Variants in FRK observed in about 807,000 individuals in gnomAD.
FRK encodes tyrosine-protein kinase FRK.
FRK carries 51 observed loss-of-function variants against 56.4 expected under a neutral mutation model. That is an observed-to-expected ratio of 0.90 (90% confidence interval 0.72 to 1.14). The LOEUF (loss-of-function observed/expected upper bound fraction) is 1.14. Among genes scored for constraint, FRK ranks in the 50% most tolerant of loss-of-function variants. The pLI is 0.00. For synonymous variants in FRK, 245 were observed against 217.9 expected (o/e 1.12, Z -1.10); for missense variants, 570 against 601.4 (o/e 0.95, Z 0.55).
rs1000884258 is a variant in FRK, at chr6:115,934,265, G to T, written c.*8149C>A. 1.3e-5 allele frequency: 2 copies of T among 152,162 alleles called. No homozygotes were observed. The highest frequency in any genetic ancestry group is 1.5e-5 in the Non-Finnish European group (1 of 68,040). The allele number at this position is 152,162 out of a possible 1,614,324, so 9.4% of individuals were successfully genotyped here. On this transcript the variant is annotated 3_prime_UTR_variant, in exon 8 of 8. Coordinates refer to ENST00000606080, the MANE Select transcript of FRK (RefSeq NM_002031.3). The stretch of plus-strand genomic sequence containing the variant: ...ACCTCTCAACTTGTCTCTGAGGAAG[G>T]TGACCACATTCCCAGATTCAGAGTC...
At chr6:116,004,041 T>C (rs1775163892) in intron 1 of FRK, 43 bp from the exon 2 acceptor site, 2 of 1,575,268 alleles carry the variant, frequency 1.3e-6, no homozygotes, top group South Asian at 2.3e-5. Flanking sequence ...CAATTAACAT[T>C]CATTTTTTAA....
intron 1 of FRK, among the ~76,000 whole-genome samples, chr6:116,056,541 T>C (rs1777407079): frequency 6.6e-6 from 1 of 152,212 alleles, no homozygotes. Context: ...ATCATATTGC[T>C]TTTTATCAAT....
chr6:115,931,593 G>A lies in FRK; in HGVS notation c.*10821C>T, dbSNP rs1771959496. On this transcript the variant is annotated 3_prime_UTR_variant, in exon 8 of 8. Transcript: ENST00000606080. Reference sequence around the variant, plus strand: ...TTAAAGTATACAAATCTGGCTAATTGATTTTATTTCTTATTTTTTGAATCA... The same window carrying A: ...TTAAAGTATACAAATCTGGCTAATTAATTTTATTTCTTATTTTTTGAATCA... 1 of 151,932 alleles carries A rather than the reference G, an allele frequency of 6.6e-6. No homozygotes were observed. Among genetic ancestry groups the A allele is most frequent in the Admixed American group, 6.5e-5 (1 of 15,270 alleles). 9.4% of individuals were successfully genotyped at this position (151,932 alleles called of 1,614,324 possible). A position where few individuals can be genotyped will look rare whatever the true frequency, so the allele number is the denominator to read the frequency against.
chr6:116,096,495 C>T, the FRK span, among the ~76,000 whole-genome samples: 3 of 152,052 alleles, frequency 2.0e-5, no homozygotes, highest in African/African-American at 7.3e-5. Context: ...TGTAAACACG[C>T]CAATCAGCAC....
the FRK span, among the ~76,000 whole-genome samples, chr6:116,078,047 C>T: frequency 6.6e-6 from 1 of 152,166 alleles, no homozygotes; most frequent in Non-Finnish European, 1.5e-5. Context: ...GTAATCCCAG[C>T]TACTCTGGAG....
rs939558520 is a variant in FRK at position 115,932,886 on chromosome 6, G to T, written c.*9528C>A. 6.6e-6 allele frequency: 1 copy of T among 152,130 alleles called. No homozygotes were observed. Among genetic ancestry groups the T allele is most frequent in the Non-Finnish European group, 1.5e-5 (1 of 68,030 alleles). 9.4% of individuals were successfully genotyped at this position (152,130 alleles called of 1,614,324 possible). On this transcript the variant is annotated 3_prime_UTR_variant, in exon 8 of 8. Transcript: ENST00000606080. ...CATGGTCATCATACAGATATTGTGG[G>T]TAGAAGCTGAGGGTGAGCCTAGCCT...
chr6:115,980,366 T>C (rs1305728369), intron 2 of FRK, among the ~76,000 whole-genome samples: 2 of 152,036 alleles, frequency 1.3e-5, no homozygotes, highest in Non-Finnish European at 2.9e-5. Context: ...ATGTATTAAG[T>C]GAAATGGTAG....
chr6:116,044,031 C>G (rs541022030), intron 1 of FRK, among the ~76,000 whole-genome samples: 15 of 152,222 alleles, frequency 9.9e-5, no homozygotes, highest in Admixed American at 9.2e-4. Flanking sequence ...CAAGTCGAAA[C>G]CAGAAAGAAG....
At chr6:115,979,263 T>G (rs1024901294) in intron 2 of FRK, among the ~76,000 whole-genome samples, 2 of 152,086 alleles carry the variant, frequency 1.3e-5, no homozygotes, top group Non-Finnish European at 2.9e-5. Flanking sequence ...GATAGTGATA[T>G]TGATGATCCT....
At chr6:116,088,964 T>C in the FRK span, among the ~76,000 whole-genome samples, 1 of 152,258 alleles carries the variant, frequency 6.6e-6, no homozygotes, top group Non-Finnish European at 1.5e-5. Flanking sequence ...ATGTTCATAT[T>C]TGGCATACCC....
At chr6:116,078,254 C>A in the FRK span, among the ~76,000 whole-genome samples, 4 of 152,122 alleles carry the variant, frequency 2.6e-5, no homozygotes, top group African/African-American at 9.7e-5. Context: ...CAGTTATGAA[C>A]GTGGGAGGAT....
intron 1 of FRK, among the ~76,000 whole-genome samples, chr6:116,013,369 G>A (rs938521630): frequency 2.0e-5 from 3 of 152,028 alleles, no homozygotes; most frequent in Non-Finnish European, 2.9e-5. Context: ...AGCTAATATT[G>A]ATTTCTCTTT....
chr6:116,051,151 A>T (rs189924466), intron 1 of FRK, among the ~76,000 whole-genome samples: 155 of 152,304 alleles, frequency 1.0e-3, no homozygotes, highest in African/African-American at 3.5e-3. Flanking sequence ...ATATTTACTA[A>T]GAAATAGTAT....
At chr6:115,967,847 A>G (rs946402191) in intron 3 of FRK, 128 bp from the exon 4 acceptor site, 14 of 700,930 alleles carry the variant, frequency 2.0e-5, no homozygotes, top group African/African-American at 3.6e-5. Flanking sequence ...AAACTGTATT[A>G]TAATTACTTC....
At chr6:116,042,086 G>A (rs1054904271) in intron 1 of FRK, among the ~76,000 whole-genome samples, 1 of 152,154 alleles carries the variant, frequency 6.6e-6, no homozygotes, top group Non-Finnish European at 1.5e-5. Flanking sequence ...CATTACTGAG[G>A]CTTGAGTAGG....
chr6:115,982,847 G>A (rs1001873763), intron 2 of FRK, among the ~76,000 whole-genome samples: 2 of 152,008 alleles, frequency 1.3e-5, no homozygotes, highest in Non-Finnish European at 2.9e-5. Flanking sequence ...TGAAGCGGGT[G>A]GATCACTTGA....
At position 115,956,970 on chromosome 6, in the gene FRK, A is replaced by C. The variant is rs547536516; in HGVS notation, c.800-360T>G. Among the ~76,000 whole-genome samples the C allele has an allele frequency of 5.3e-5, 8 of 152,336 alleles. No individual in the cohort carries two copies. In the South Asian group the frequency reaches 1.4e-3, roughly 28 times the overall value. On this transcript the variant is annotated intron_variant, in intron 4 of 7. Coordinates refer to ENST00000606080, the MANE Select transcript of FRK (RefSeq NM_002031.3). The stretch of plus-strand genomic sequence containing the variant: ...GAACACGAGCGCTGAAGGTCACTGA[A>C]TATTTAATTACTGCAACCAGAGACT...
At chr6:116,078,067 G>T in the FRK span, among the ~76,000 whole-genome samples, 2 of 152,196 alleles carry the variant, frequency 1.3e-5, no homozygotes, top group African/African-American at 2.4e-5. Context: ...GGCTGAGGCA[G>T]GAGAATTGCT....
the FRK span, among the ~76,000 whole-genome samples, chr6:116,089,498 C>G: frequency 2.0e-5 from 3 of 152,318 alleles, no homozygotes; most frequent in South Asian, 6.2e-4. Context: ...ACATGTATTT[C>G]TTACAGTTCT....
Sources: gnomAD v4.1 joint callset for allele counts (sites outside exome capture counted in the v4.1 genomes callset) on GRCh38, gnomAD v4.1.1 for gene constraint, MANE v1.5 for transcripts, NCBI Gene and HGNC (gene_info 2026-07-23, HGNC 2026-07-21) for gene names.